The following DGKK variants were observed in gnomAD, a reference collection of about 807,000 sequenced individuals.
The protein encoded by DGKK is 142 kDa diacylglycerol kinase.
A neutral mutation model predicts 92.2 loss-of-function variants in DGKK; 35 were observed. The observed-to-expected ratio is 0.38, with a 90% CI of 0.29 to 0.50. DGKK has a LOEUF of 0.50. Ranked by LOEUF, DGKK falls within the 20% of genes least tolerant of loss-of-function variation. DGKK has a pLI of 0.92. For missense variants in DGKK, 910 were observed against 992.2 expected (o/e 0.92, Z 1.11); for synonymous variants, 368 against 360.6 (o/e 1.02, Z -0.23).
At position 50,384,200 on chromosome X, in the gene DGKK, G is replaced by A; in HGVS notation, c.2517C>T (p.Asn839=). The A allele has an allele frequency of 3.4e-6, 4 of 1,180,480 alleles. No individual in the cohort carries two copies. The highest frequency in any genetic ancestry group is 4.7e-4 in the Middle Eastern group (2 of 4,288). Residue 839 remains asparagine (N), a synonymous_variant, in exon 17 of 28, where the codon AAC becomes AAT. Transcript: ENST00000611977. ...CAGGTGTAAAATGTAAGTGATCCAA[G>A]TTAAGGTTGTCCAGGTCCTCACTTT... is the stretch of plus-strand genomic sequence containing the variant. ...SLKSEDLDNL[N]LDHLHFTPES...
intron 4 of DGKK, among the ~76,000 whole-genome samples, chrX:50,405,992 T>C (rs1179560305): frequency 8.9e-6 from 1 of 111,890 alleles, no homozygotes; most frequent in Non-Finnish European, 1.9e-5. Flanking sequence ...GAACCTATTA[T>C]GTATCATCTA....
intron 1 of DGKK, among the ~76,000 whole-genome samples, chrX:50,447,370 T>TTC (rs1926363099): frequency 3.5e-4 from 3 of 8,547 alleles, no homozygotes; most frequent in African/African-American, 3.2e-3. Context: ...ATATATATAT[T>TTC]ATATATATAT....
rs1924724576 is a variant in DGKK, at chrX:50,392,459, CAA to C, written c.1596-12_1596-11del. 7 of 1,191,301 alleles carry C rather than the reference CAA, an allele frequency of 5.9e-6. No homozygotes were observed. In the Middle Eastern group the frequency reaches 1.2e-3, roughly 198 times the overall value. On this transcript the variant is annotated splice_polypyrimidine_tract_variant and intron_variant, in intron 9 of 27. Coordinates refer to ENST00000611977, the MANE Select transcript of DGKK (RefSeq NM_001013742.4). ...CTTGAACATAGACAGCCTGGAAGGACAAAGAGGAAAGGGGGTCATTTCATGAA... is the reference window on the plus strand; with the variant it reads ...CTTGAACATAGACAGCCTGGAAGGACAGAGGAAAGGGGGTCATTTCATGAA...
Position 50,401,033 on chromosome X carries a change from T to C in DGKK, c.1411+4A>G, listed in dbSNP as rs782793749. ...GCTTCTGAGGTTAAGATTTAACTAC[T>C]CACCATCGCCTTTGGGGTCGCTTAG... On this transcript the variant is annotated splice_donor_region_variant and intron_variant, in intron 8 of 27. Transcript: ENST00000611977. The C allele has an allele frequency of 3.4e-6, 4 of 1,191,862 alleles. No individual in the cohort carries two copies. In the South Asian group the frequency reaches 7.4e-5, roughly 22 times the overall value.
At chrX:50,469,614 G>A (rs782148310) in intron 1 of DGKK, among the ~76,000 whole-genome samples, 1 of 112,708 alleles carries the variant, frequency 8.9e-6, no homozygotes, top group Admixed American at 9.2e-5. Context: ...GGCAGTGACC[G>A]CGGCTAAGAG....
At chrX:50,375,960 T>C (rs1276803385) in intron 24 of DGKK, 64 bp downstream of exon 24, 10 of 1,144,367 alleles carry the variant, frequency 8.7e-6, no homozygotes, top group Non-Finnish European at 1.2e-5. Flanking sequence ...CTCCACTTCT[T>C]TCCCTTTCAT....
At chrX:50,416,953 TA>T (rs1345123494) in intron 4 of DGKK, among the ~76,000 whole-genome samples, 1 of 110,054 alleles carries the variant, frequency 9.1e-6, no homozygotes, top group African/African-American at 3.3e-5. Context: ...GAACTTAGAT[TA>T]AAAATGAAAA....
intron 1 of DGKK, among the ~76,000 whole-genome samples, chrX:50,462,833 T>C (rs1455027195): frequency 1.0e-5 from 1 of 99,605 alleles, no homozygotes; most frequent in Non-Finnish European, 2.0e-5. Context: ...TTGGGAAAAA[T>C]TAGAATGGGA....
chrX:50,378,073 C>A (rs994917334), intron 22 of DGKK, 25 bp downstream of exon 22: 33 of 1,198,368 alleles, frequency 2.8e-5, no homozygotes, highest in Non-Finnish European at 3.3e-5. Context: ...AGTATAGGAG[C>A]CCAAGACAAG....
rs782698302 is a variant in DGKK at position 50,371,853 on chromosome X, A to T, written c.3502-19T>A. On this transcript the variant is annotated intron_variant, in intron 25 of 27. Coordinates refer to ENST00000611977, the MANE Select transcript of DGKK (RefSeq NM_001013742.4). The stretch of plus-strand genomic sequence containing the variant: ...TTCTCAGCTGGTACAGACAGGAAAA[A>T]GAGTAAGTGTCCAATGCCTAGCACT... 2 of 1,057,981 alleles carry T rather than the reference A, an allele frequency of 1.9e-6. No individual in the cohort carries two copies. Among genetic ancestry groups the T allele is most frequent in the Non-Finnish European group, 2.6e-6 (2 of 763,538 alleles). The allele number at this position is 1,057,981 out of a possible 1,213,427, so 87.2% of individuals were successfully genotyped here. A position where few individuals can be genotyped will look rare whatever the true frequency, so the allele number is the denominator to read the frequency against.
intron 25 of DGKK, among the ~76,000 whole-genome samples, chrX:50,372,428 T>C (rs781894201): frequency 2.2e-4 from 25 of 111,955 alleles, no homozygotes; most frequent in South Asian, 3.8e-4. Context: ...GGCCAGATGC[T>C]GAGGGAATCT....
chrX:50,438,587 C>T (rs1041360955), intron 1 of DGKK, among the ~76,000 whole-genome samples: 4 of 111,570 alleles, frequency 3.6e-5, no homozygotes, highest in East Asian at 2.8e-4. Flanking sequence ...TGCAAAACCA[C>T]GAGACACCTG....
intron 1 of DGKK, among the ~76,000 whole-genome samples, chrX:50,439,004 G>A (rs1926104296): frequency 9.0e-6 from 1 of 111,547 alleles, no homozygotes; most frequent in Non-Finnish European, 1.9e-5. Context: ...TCACAAATAT[G>A]TGTCATAGCC....
chrX:50,456,062 A>G (rs1926603448), intron 1 of DGKK, among the ~76,000 whole-genome samples: 1 of 111,663 alleles, frequency 9.0e-6, no homozygotes, highest in South Asian at 3.8e-4. Flanking sequence ...CCCTGCAGCT[A>G]TTCTAGAAAG....
At chrX:50,399,232 G>C (rs1924931851) in intron 8 of DGKK, among the ~76,000 whole-genome samples, 1 of 92,862 alleles carries the variant, frequency 1.1e-5, no homozygotes, top group South Asian at 4.3e-4. Context: ...GAAGGATCTA[G>C]AGTGGCTGTG....
At chrX:50,369,303 T>G (rs1375361586) in intron 27 of DGKK, among the ~76,000 whole-genome samples, 1 of 111,307 alleles carries the variant, frequency 9.0e-6, no homozygotes, top group Non-Finnish European at 1.9e-5. Flanking sequence ...TGACAGACTC[T>G]TAAGGAATCA....
intron 25 of DGKK, among the ~76,000 whole-genome samples, chrX:50,374,457 C>T (rs1924220036): frequency 9.0e-6 from 1 of 111,698 alleles, no homozygotes; most frequent in African/African-American, 3.3e-5. Context: ...AGAGACAATA[C>T]ATTTCTGTTG....
intron 1 of DGKK, among the ~76,000 whole-genome samples, chrX:50,468,265 C>A (rs1410044213): frequency 1.8e-5 from 2 of 112,041 alleles, no homozygotes; most frequent in African/African-American, 6.5e-5. Context: ...AGGGGAGATG[C>A]ATTCTCTGGG....
At chrX:50,435,775 G>C (rs987789063) in intron 1 of DGKK, among the ~76,000 whole-genome samples, 1 of 111,107 alleles carries the variant, frequency 9.0e-6, no homozygotes, top group African/African-American at 3.3e-5. Context: ...AAGAGAGAGA[G>C]AGACTCAGAG....
Sources: gnomAD v4.1 joint callset for allele counts (sites outside exome capture counted in the v4.1 genomes callset) on GRCh38, gnomAD v4.1.1 for gene constraint, MANE v1.5 for transcripts, NCBI Gene and HGNC (gene_info 2026-07-23, HGNC 2026-07-21) for gene names.